Variants in DIPK1C observed in about 807,000 individuals in gnomAD.
DIPK1C encodes divergent protein kinase domain 1C, also known as familial non-conventional Alzheimer's dementia.
A neutral mutation model predicts 28.0 loss-of-function variants in DIPK1C; 33 were observed. The observed-to-expected ratio is 1.18, with a 90% confidence interval of 0.89 to 1.58. The LOEUF (loss-of-function observed/expected upper bound fraction) is 1.58, where lower values mean the gene tolerates loss of function less well. DIPK1C is among the 40% of genes most tolerant of loss of function. The pLI is 0.00. For missense variants in DIPK1C, 569 were observed against 568.5 expected (o/e 1.00, Z -0.01); for synonymous variants, 255 against 248.8 (o/e 1.02, Z -0.23).
chr18:74,442,284 T>C (rs1986146475), intron 2 of DIPK1C, among the ~76,000 whole-genome samples, 168 bp from the exon 3 acceptor site: 2 of 152,082 alleles, frequency 1.3e-5, no homozygotes, highest in South Asian at 4.2e-4. Flanking sequence ...CCCTGGGGAG[T>C]GGATTCATCC....
chr18:74,459,814 C>A (rs554343049), upstream of DIPK1C, among the ~76,000 whole-genome samples: 4 of 152,250 alleles, frequency 2.6e-5, no homozygotes, highest in African/African-American at 9.6e-5. Flanking sequence ...TCTCCTTGTC[C>A]TGCGCCTCTT....
upstream of DIPK1C, among the ~76,000 whole-genome samples, chr18:74,461,408 C>CTT (rs71901950): frequency 7.4e-6 from 1 of 135,516 alleles, no homozygotes. Context: ...TTCTCTTTCT[C>CTT]TTTTTTTTTT....
intron 3 of DIPK1C, among the ~76,000 whole-genome samples, chr18:74,440,710 C>T (rs1599035319): frequency 6.6e-6 from 1 of 152,236 alleles, no homozygotes; most frequent in Non-Finnish European, 1.5e-5. Context: ...AGGGTATAAA[C>T]TCAGCCTCTC....
intron 3 of DIPK1C, among the ~76,000 whole-genome samples, 194 bp downstream of exon 3, chr18:74,441,758 C>A (rs1469754787): frequency 6.6e-6 from 1 of 152,114 alleles, no homozygotes; most frequent in Non-Finnish European, 1.5e-5. Flanking sequence ...GTCGCCTGAC[C>A]AACAACCCTG....
intron 1 of DIPK1C, among the ~76,000 whole-genome samples, chr18:74,450,677 C>T (rs1421104687): frequency 6.6e-6 from 1 of 152,242 alleles, no homozygotes; most frequent in Non-Finnish European, 1.5e-5. Context: ...TCCTCTCTGC[C>T]TCACTGGGAT....
chr18:74,442,335 T>TC (rs376413413), intron 2 of DIPK1C, among the ~76,000 whole-genome samples: 11 of 151,334 alleles, frequency 7.3e-5, no homozygotes, highest in South Asian at 4.1e-4. Flanking sequence ...TTTTTCTTTT[T>TC]TTTTTTTAAT....
chr18:74,441,533 T>C (rs1430781834), intron 3 of DIPK1C, among the ~76,000 whole-genome samples: 1 of 152,246 alleles, frequency 6.6e-6, no homozygotes, highest in Non-Finnish European at 1.5e-5. Flanking sequence ...ACCTCTGGCC[T>C]GTCTGGATGG....
Position 74,440,888 on chromosome 18 carries a change from G to A in DIPK1C, c.1041+1064C>T, listed in dbSNP as rs550841617. Among the ~76,000 whole-genome samples, 58 of 152,306 alleles carry A rather than the reference G, an allele frequency of 3.8e-4. 1 individual carries two copies. The highest frequency in any genetic ancestry group is 9.1e-4 in the Admixed American group (14 of 15,308). On this transcript the variant is annotated intron_variant, in intron 3 of 3. Transcript: ENST00000343998. ...ACATTAAAGAGGCTGGGATGGAGACGCCTCTGAAAGCCACTACATTCCTAG... is the reference window on the plus strand; with the variant it reads ...ACATTAAAGAGGCTGGGATGGAGACACCTCTGAAAGCCACTACATTCCTAG...
chr18:74,459,732 T>G (rs184424626), upstream of DIPK1C, among the ~76,000 whole-genome samples: 1 of 152,190 alleles, frequency 6.6e-6, no homozygotes, highest in Non-Finnish European at 1.5e-5. Context: ...GGTGGGAAAA[T>G]GATGCTGGCA....
At chr18:74,451,236 T>C (rs901644119) in intron 1 of DIPK1C, among the ~76,000 whole-genome samples, 2 of 152,182 alleles carry the variant, frequency 1.3e-5, no homozygotes, top group South Asian at 2.1e-4. Context: ...AAACAGCCCC[T>C]GGGAGGAGAG....
rs192714927 is a variant in DIPK1C, at chr18:74,442,206, G to A, written c.877-90C>T. 1.2e-4 allele frequency: 171 copies of A among 1,461,606 alleles called. 1 individual carries two copies. The East Asian group carries it at 2.9e-3, about 25-fold the overall frequency. The allele number at this position is 1,461,606 out of a possible 1,614,324, so 90.5% of individuals were successfully genotyped here. ...TTCACAACTTCTGTTCACCTCGTGC[G>A]GGTGCCACTGTCCAGGTCACAGGTG... On this transcript the variant is annotated intron_variant, in intron 2 of 3. Coordinates refer to ENST00000343998, the MANE Select transcript of DIPK1C (RefSeq NM_001044369.3).
At chr18:74,458,389 T>C (rs1599044714), upstream of DIPK1C, among the ~76,000 whole-genome samples, 1 of 152,242 alleles carries the variant, frequency 6.6e-6, no homozygotes, top group East Asian at 1.9e-4. Flanking sequence ...TTAGAGATAA[T>C]AGAAACATGC....
chr18:74,456,084 T>A (rs539173033), intron 1 of DIPK1C, among the ~76,000 whole-genome samples: 2 of 152,374 alleles, frequency 1.3e-5, no homozygotes, highest in South Asian at 4.1e-4. Flanking sequence ...AAAATAGATC[T>A]CTTTTCAAAC....
chr18:74,456,317 C>A (rs889513398), intron 1 of DIPK1C, among the ~76,000 whole-genome samples: 1 of 152,238 alleles, frequency 6.6e-6, no homozygotes, highest in Non-Finnish European at 1.5e-5. Context: ...CTGCAAAATG[C>A]GAAATGTTTC....
chr18:74,457,103 G>A lies in DIPK1C; in HGVS notation c.157C>T (p.Arg53Cys). ...CGCCGGCTCTTCTCGTCGGTGCAGC[G>A]CTCGGAGAGGACACCCGGGTGCGCG... ...LRAHPGVLSE[R>C]CTDEKSRRIL... Residue 53 changes from arginine to cysteine, a missense_variant, in exon 1 of 4, where the codon CGC becomes TGC. By Grantham distance (180) the Arg-to-Cys change is radical. Coordinates refer to ENST00000343998, the MANE Select transcript of DIPK1C (RefSeq NM_001044369.3). 2.0e-6 allele frequency: 3 copies of A among 1,468,306 alleles called. No individual in the cohort carries two copies. The highest frequency in any genetic ancestry group is 1.8e-6 in the Non-Finnish European group (2 of 1,118,598). 91.0% of individuals were successfully genotyped at this position (1,468,306 alleles called of 1,614,324 possible).
At chr18:74,440,002 T>C (rs1986083766) in intron 3 of DIPK1C, among the ~76,000 whole-genome samples, 1 of 150,458 alleles carries the variant, frequency 6.6e-6, no homozygotes, top group African/African-American at 2.4e-5. Flanking sequence ...TGGAGTGCAG[T>C]GATGCAATCT....
At position 74,447,005 on chromosome 18, in the gene DIPK1C, C is replaced by T. The variant is rs560043060; in HGVS notation, c.477G>A (p.Leu159=). The stretch of plus-strand genomic sequence containing the variant: ...GGCTGCTGTTGGACAACTCCAGGCC[C>T]AGAGCGCTCTTGACCTCCCCAGCCA... ...LMVAGEVKSA[L]GLELSNSSLG... The change falls in exon 2 of 4, where the codon CTG becomes CTA. Residue 159 remains leucine (L), a synonymous_variant. Coordinates refer to ENST00000343998, the MANE Select transcript of DIPK1C (RefSeq NM_001044369.3). The surrounding 1 kb of genome is among the most constrained non-coding windows in gnomAD (Gnocchi z 4.1). The T allele has an allele frequency of 5.2e-6, 8 of 1,538,958 alleles. No homozygotes were observed. The East Asian group carries it at 1.5e-4, about 28-fold the overall frequency.
rs140849087 is a variant in DIPK1C at position 74,446,820 on chromosome 18, G to A, written c.662C>T (p.Ala221Val). The change falls in exon 2 of 4, where the codon GCG becomes GTG. Residue 221 changes from alanine to valine, a missense_variant. Physicochemically the swap from Ala to Val is moderately conservative, Grantham distance 64. Coordinates refer to ENST00000343998, the MANE Select transcript of DIPK1C (RefSeq NM_001044369.3). Reference protein sequence around the residue: ...PVLGSCGHFYAVEFLAAGSPH... With the variant: ...PVLGSCGHFYVVEFLAAGSPH... ...GCTGCCCGCGGCCAGGAACTCCACC[G>A]CGTAGAAGTGGCCGCAGGAACCCAG... 3.9e-3 allele frequency: 5,838 copies of A among 1,495,934 alleles called. 21 individuals carry two copies. Among genetic ancestry groups the A allele is most frequent in the Non-Finnish European group, 4.9e-3 (5,469 of 1,118,354 alleles). 92.7% of individuals were successfully genotyped at this position (1,495,934 alleles called of 1,614,324 possible).
chr18:74,446,682 A>G lies in DIPK1C; in HGVS notation c.800T>C (p.Phe267Ser). 1.3e-6 allele frequency: 2 copies of G among 1,529,280 alleles called. No homozygotes were observed. Among genetic ancestry groups the G allele is most frequent in the Non-Finnish European group, 1.8e-6 (2 of 1,136,732 alleles). The allele number at this position is 1,529,280 out of a possible 1,614,324, so 94.7% of individuals were successfully genotyped here. Residue 267 changes from phenylalanine to serine, a missense_variant, in exon 2 of 4, where the codon TTT becomes TCT. By Grantham distance (155) the Phe-to-Ser change is radical (BLOSUM62 -2). Transcript: ENST00000343998. ...ALSFLDMVNH[F>S]DSDFSHRLHL... is the part of the protein sequence containing the mutation. ...GAGGCGGTGGGAAAAGTCACTGTCAAAATGGTTCACCATGTCCAAGAAGCT... is the reference window on the plus strand; with the variant it reads ...GAGGCGGTGGGAAAAGTCACTGTCAGAATGGTTCACCATGTCCAAGAAGCT...
Sources: gnomAD v4.1 joint callset for allele counts (sites outside exome capture counted in the v4.1 genomes callset) on GRCh38, gnomAD v4.1.1 for gene constraint, Gnocchi (gnomAD v3.1) non-coding constraint, MANE v1.5 for transcripts, NCBI Gene and HGNC (gene_info 2026-07-23, HGNC 2026-07-21) for gene names.